ADK: variants seen among roughly 807,000 people sequenced by gnomAD.
ADK encodes N6,N6-dimethyladenosine kinase.
ADK carries 24 observed loss-of-function variants against 44.7 expected under a neutral mutation model. That is an observed-to-expected ratio of 0.54 (90% CI 0.39 to 0.76). The LOEUF (loss-of-function observed/expected upper bound fraction) is 0.76. Ranked by LOEUF, ADK falls within the 30% of genes least tolerant of loss-of-function variation. The pLI is 0.00. For missense variants in ADK, 321 were observed against 425.1 expected, an observed-to-expected ratio of 0.76 and a Z score of 2.15; for synonymous variants, 128 against 142.6, an observed-to-expected ratio of 0.90 and a Z score of 0.73.
intron 1 of ADK, among the ~76,000 whole-genome samples, chr10:74,194,649 A>G (rs1210403568): frequency 2.0e-5 from 3 of 152,234 alleles, no homozygotes; most frequent in Admixed American, 2.0e-4. Flanking sequence ...CTAACAATGT[A>G]GAAATTCAGG....
chr10:74,690,409 T>C (rs1855947584), intron 10 of ADK, among the ~76,000 whole-genome samples: 1 of 152,164 alleles, frequency 6.6e-6, no homozygotes, highest in African/African-American at 2.4e-5. Context: ...GGTGGGAGGA[T>C]TGCTTGAGCC....
chr10:74,347,106 C>CAAAAAAAAAAAAAAAAAAA (rs58074760), intron 4 of ADK, among the ~76,000 whole-genome samples: 1 of 92,298 alleles, frequency 1.1e-5, no homozygotes, highest in African/African-American at 6.9e-5. Flanking sequence ...CACTCTGTCT[C>CAAAAAAAAAAAAAAAAAAA]AAAAAAAAAA....
intron 9 of ADK, among the ~76,000 whole-genome samples, chr10:74,631,210 T>C (rs537906942): frequency 2.0e-5 from 3 of 152,110 alleles, no homozygotes; most frequent in African/African-American, 7.2e-5. Context: ...CATCTATATC[T>C]GTGTCTATAT....
intron 4 of ADK, among the ~76,000 whole-genome samples, chr10:74,366,727 C>G (rs528772882): frequency 6.6e-6 from 1 of 151,928 alleles, no homozygotes; most frequent in Non-Finnish European, 1.5e-5. Context: ...TCTAGGAGTT[C>G]GAGATTAGCC....
At chr10:74,306,003 T>A (rs1467076786) in intron 3 of ADK, among the ~76,000 whole-genome samples, 2 of 152,158 alleles carry the variant, frequency 1.3e-5, no homozygotes, top group Non-Finnish European at 2.9e-5. Context: ...GAGATTATAG[T>A]TGTGAGCCAC....
intron 4 of ADK, among the ~76,000 whole-genome samples, chr10:74,348,269 C>A (rs1458288220): frequency 6.6e-6 from 1 of 152,110 alleles, no homozygotes; most frequent in African/African-American, 2.4e-5. Flanking sequence ...TCTGCAGCCT[C>A]CATTGGTGAT....
At chr10:74,555,402 A>AT (rs1850203539) in intron 7 of ADK, among the ~76,000 whole-genome samples, 1 of 152,172 alleles carries the variant, frequency 6.6e-6, no homozygotes, top group Non-Finnish European at 1.5e-5. Context: ...ATAAGCCAGA[A>AT]TTATAGATGG....
chr10:74,189,121 A>G lies in ADK; in HGVS notation c.66-11643A>G, dbSNP rs1442181547. On this transcript the variant is annotated intron_variant, in intron 1 of 10. Coordinates refer to ENST00000539909, the MANE Select transcript of ADK (RefSeq NM_006721.4). ...AGTCATTCTAATGTACATTTCTTAT[A>G]TAATTAACATTTTCTTCTAAGTACT... 4.6e-5 allele frequency among the ~76,000 whole-genome samples: 7 copies of G among 152,262 alleles called. No homozygotes were observed. In the East Asian group the frequency reaches 1.3e-3, roughly 29 times the overall value.
chr10:74,159,718 G>A (rs1395273433), intron 1 of ADK, among the ~76,000 whole-genome samples: 2 of 151,944 alleles, frequency 1.3e-5, no homozygotes, highest in Non-Finnish European at 2.9e-5. Flanking sequence ...TCAGCCTCCC[G>A]AGCAGCTGGG....
chr10:74,384,318 A>C (rs6480734), intron 4 of ADK, among the ~76,000 whole-genome samples: 110,299 of 151,980 alleles, frequency 0.73, 40,661 homozygotes, highest in Middle Eastern at 0.86. Context: ...AGCAAATTAC[A>C]ATTAAGTGGA....
At chr10:74,303,593 T>TTTTTTTTTTG (rs1840147124) in intron 3 of ADK, among the ~76,000 whole-genome samples, 1 of 115,032 alleles carries the variant, frequency 8.7e-6, no homozygotes, top group East Asian at 2.2e-4. Flanking sequence ...ATGTTGTTTT[T>TTTTTTTTTTG]TTTTTTTTTT....
intron 3 of ADK, among the ~76,000 whole-genome samples, chr10:74,228,646 A>G (rs1453062331): frequency 6.6e-6 from 1 of 152,180 alleles, no homozygotes; most frequent in African/African-American, 2.4e-5. Context: ...ACTCTCCAAT[A>G]GTGGCTTTTC....
At position 74,320,322 on chromosome 10, in the gene ADK, T is replaced by G. The variant is rs137972966; in HGVS notation, c.273+5577T>G. Among the ~76,000 whole-genome samples, 148 of 152,320 alleles carry G rather than the reference T, an allele frequency of 9.7e-4. 1 individual carries two copies. The highest frequency in any genetic ancestry group is 3.0e-3 in the African/African-American group (126 of 41,580). The stretch of plus-strand genomic sequence containing the variant: ...GGCCTACATGGTTTCTGATGAGAAT[T>G]AGTTCTTATTCTTACTGAGAATCCT... On this transcript the variant is annotated intron_variant, in intron 4 of 10. Coordinates refer to ENST00000539909, the MANE Select transcript of ADK (RefSeq NM_006721.4).
At chr10:74,380,586 A>G (rs1564688021) in intron 4 of ADK, among the ~76,000 whole-genome samples, 2 of 151,980 alleles carry the variant, frequency 1.3e-5, no homozygotes, top group Non-Finnish European at 2.9e-5. Flanking sequence ...GTAAAACCCC[A>G]TCTCTACTAA....
intron 3 of ADK, among the ~76,000 whole-genome samples, chr10:74,267,628 A>G (rs1209194503): frequency 6.6e-6 from 1 of 152,138 alleles, no homozygotes; most frequent in Non-Finnish European, 1.5e-5. Flanking sequence ...CATATCTAAA[A>G]AGATGTTGGT....
chr10:74,334,538 G>A (rs1277799951), intron 4 of ADK, among the ~76,000 whole-genome samples: 3 of 152,136 alleles, frequency 2.0e-5, no homozygotes. Context: ...CTTTGACTGA[G>A]GAGTCTTGTG....
At chr10:74,349,486 C>T (rs912481036) in intron 4 of ADK, among the ~76,000 whole-genome samples, 3 of 152,166 alleles carry the variant, frequency 2.0e-5, no homozygotes, top group African/African-American at 7.2e-5. Flanking sequence ...ACCAATGACA[C>T]TATGAAGAAA....
intron 7 of ADK, among the ~76,000 whole-genome samples, chr10:74,581,951 GGCC>G (rs1264131897): frequency 6.6e-6 from 1 of 152,096 alleles, no homozygotes. Flanking sequence ...CCTGCTGTAT[GGCC>G]TTGGACATAC....
At chr10:74,645,180 A>G (rs868636961) in intron 9 of ADK, among the ~76,000 whole-genome samples, 28 of 152,184 alleles carry the variant, frequency 1.8e-4, no homozygotes, top group South Asian at 4.1e-4. Context: ...AGGCAAATGT[A>G]CTGTCTTTTA....
Sources: allele counts gnomAD v4.1 joint callset (sites outside exome capture counted in the v4.1 genomes callset), GRCh38; gene constraint gnomAD v4.1.1; transcripts MANE v1.5; gene names NCBI Gene and HGNC (gene_info 2026-07-23, HGNC 2026-07-21).